CCNJ: variants seen among roughly 807,000 people sequenced by gnomAD.
The protein encoded by CCNJ is cyclin-J.
A neutral mutation model predicts 41.4 loss-of-function variants in CCNJ; 12 were observed. That is an observed-to-expected ratio of 0.29 (90% CI 0.19 to 0.47). The LOEUF is 0.47. Among genes scored for constraint, CCNJ ranks in the 20% least tolerant of loss-of-function variants. The pLI, the probability that CCNJ is intolerant of heterozygous loss-of-function variation, is 1.00. For missense variants in CCNJ, 340 were observed against 464.6 expected, an observed-to-expected ratio of 0.73 and a Z score of 2.47; for synonymous variants, 161 against 173.4, an observed-to-expected ratio of 0.93 and a Z score of 0.56.
intron 3 of CCNJ, among the ~76,000 whole-genome samples, chr10:96,052,019 A>G (rs533291835): frequency 1.6e-4 from 24 of 152,268 alleles, no homozygotes; most frequent in South Asian, 4.1e-4. Flanking sequence ...TTAGAATACC[A>G]TTTACTTCCT....
At chr10:96,043,424 AGCCGCCGCGCC>A (rs958131796), upstream of CCNJ, 3 of 373,760 alleles carry the variant, frequency 8.0e-6, no homozygotes, top group African/African-American at 4.2e-5. Context: ...CCCAGGCGGG[AGCCGCCGCGCC>A]GCCGCCTGGC....
intron 2 of CCNJ, among the ~76,000 whole-genome samples, chr10:96,049,221 TA>T (rs1325010370): frequency 2.0e-5 from 3 of 152,192 alleles, no homozygotes; most frequent in East Asian, 1.9e-4. Context: ...TGTTTTATGA[TA>T]TTTTTTGGGC....
At chr10:96,044,539 C>T in intron 2 of CCNJ, 77 bp downstream of exon 2, 1 of 1,188,074 alleles carries the variant, frequency 8.4e-7, no homozygotes, top group East Asian at 2.8e-5. Flanking sequence ...TCTAGAAGGT[C>T]TAGTCAGGTT....
At chr10:96,054,867 ACT>A (rs1475292643) in intron 3 of CCNJ, among the ~76,000 whole-genome samples, 6 of 152,236 alleles carry the variant, frequency 3.9e-5, no homozygotes, top group Non-Finnish European at 7.4e-5. Flanking sequence ...ATATAAATAA[ACT>A]CATTAATTTC....
chr10:96,046,228 C>T (rs1040194332), intron 2 of CCNJ, among the ~76,000 whole-genome samples: 3 of 152,168 alleles, frequency 2.0e-5, no homozygotes, highest in Non-Finnish European at 1.5e-5. Flanking sequence ...TGAAGGAATG[C>T]CACTGAAAGT....
rs1358145914 is a variant in CCNJ, at chr10:96,056,801, G to A, written c.381G>A (p.Leu127=). 2.5e-6 allele frequency: 4 copies of A among 1,613,874 alleles called. No homozygotes were observed. Among genetic ancestry groups the A allele is most frequent in the Non-Finnish European group, 3.4e-6 (4 of 1,179,942 alleles). Residue 127 remains leucine, a synonymous_variant, in exon 4 of 6, where the codon TTG becomes TTA. Coordinates refer to ENST00000465148, the MANE Select transcript of CCNJ (RefSeq NM_001134375.2). ...NMNLVLTKQN[L]LHMELLLLET... is the part of the protein sequence containing the mutation. ...ATCTAGTATTAACAAAACAAAATTT[G>A]CTACATATGGAACTATTATTATTAG... is the stretch of plus-strand genomic sequence containing the variant.
rs2080749497 is a variant in CCNJ, at chr10:96,058,300, C to T, written c.*59C>T. 5.5e-6 allele frequency: 8 copies of T among 1,452,694 alleles called. No homozygotes were observed. The highest frequency in any genetic ancestry group is 1.8e-5 in the Admixed American group (1 of 54,128). 90.0% of individuals were successfully genotyped at this position (1,452,694 alleles called of 1,614,324 possible). A position where few individuals can be genotyped will look rare whatever the true frequency, so the allele number is the denominator to read the frequency against. On this transcript the variant is annotated 3_prime_UTR_variant, in exon 6 of 6. Transcript: ENST00000465148. The stretch of plus-strand genomic sequence containing the variant: ...TTTGTGACATGAAGCTATGGGTAAG[C>T]GTTTTGTAAACTTCTGTTCAAAAGG...
intron 3 of CCNJ, among the ~76,000 whole-genome samples, chr10:96,051,971 C>A (rs1344108229): frequency 6.6e-6 from 1 of 152,142 alleles, no homozygotes; most frequent in Non-Finnish European, 1.5e-5. Flanking sequence ...ACCCAGCCAC[C>A]TTTCCAGTCT....
intron 2 of CCNJ, among the ~76,000 whole-genome samples, chr10:96,045,355 C>T (rs553755915): frequency 6.6e-5 from 10 of 152,270 alleles, no homozygotes; most frequent in African/African-American, 2.4e-4. Context: ...GAGAAAGAAG[C>T]AAAACAGCTG....
At chr10:96,056,641 G>T in intron 3 of CCNJ, 60 bp from the exon 4 acceptor site, 1 of 1,264,578 alleles carries the variant, frequency 7.9e-7, no homozygotes. Context: ...TTACTGACTA[G>T]ACCAATAATG....
At chr10:96,047,984 T>C (rs2142033962) in intron 2 of CCNJ, among the ~76,000 whole-genome samples, 1 of 127,958 alleles carries the variant, frequency 7.8e-6, no homozygotes, top group East Asian at 2.8e-4. Flanking sequence ...CCCCGCAACA[T>C]GTGTCCATGT....
Position 96,058,288 on chromosome 10 carries a change from G to T in CCNJ, c.*47G>T. 6.5e-7 allele frequency: 1 copy of T among 1,530,722 alleles called. No homozygotes were observed. 94.8% of individuals were successfully genotyped at this position (1,530,722 alleles called of 1,614,324 possible). A position where few individuals can be genotyped will look rare whatever the true frequency, so the allele number is the denominator to read the frequency against. On this transcript the variant is annotated 3_prime_UTR_variant, in exon 6 of 6. Transcript: ENST00000465148. ...GACCCAGACTGCTTTGTGACATGAA[G>T]CTATGGGTAAGCGTTTTGTAAACTT...
Position 96,048,432 on chromosome 10 carries a change from C to G in CCNJ, c.70-1824C>G, listed in dbSNP as rs185013086. 8.5e-4 allele frequency among the ~76,000 whole-genome samples: 130 copies of G among 152,308 alleles called. 1 individual carries two copies. Among genetic ancestry groups the G allele is most frequent in the African/African-American group, 2.9e-3 (120 of 41,570 alleles). On this transcript the variant is annotated intron_variant, in intron 2 of 5. Coordinates refer to ENST00000465148, the MANE Select transcript of CCNJ (RefSeq NM_001134375.2). ...TAAAAGCGTTCCTTTTTCTCCACAA[C>G]CTTGCCAGCAGCTGTCATAACATAA... is the stretch of plus-strand genomic sequence containing the variant.
Position 96,059,412 on chromosome 10 carries a change from T to C in CCNJ, c.*1171T>C, listed in dbSNP as rs1253978542. 1 of 152,620 alleles carries C rather than the reference T, an allele frequency of 6.6e-6. No individual in the cohort carries two copies. The highest frequency in any genetic ancestry group is 1.5e-5 in the Non-Finnish European group (1 of 68,036). The allele number at this position is 152,620 out of a possible 1,614,324, so 9.5% of individuals were successfully genotyped here. A position where few individuals can be genotyped will look rare whatever the true frequency, so the allele number is the denominator to read the frequency against. ...GACTAAATTTCAGTAGCTACTTTCA[T>C]TGGATTGACCCTACAACTGCCCTGG... On this transcript the variant is annotated 3_prime_UTR_variant, in exon 6 of 6. Transcript: ENST00000465148.
At position 96,059,188 on chromosome 10, in the gene CCNJ, TAAA is replaced by T. The variant is rs980635929; in HGVS notation, c.*950_*952del. 3 of 152,616 alleles carry T rather than the reference TAAA, an allele frequency of 2.0e-5. No individual in the cohort carries two copies. Among genetic ancestry groups the T allele is most frequent in the Non-Finnish European group, 4.4e-5 (3 of 68,034 alleles). 9.5% of individuals were successfully genotyped at this position (152,616 alleles called of 1,614,324 possible). On this transcript the variant is annotated 3_prime_UTR_variant, in exon 6 of 6. Transcript: ENST00000465148. ...GATTTATACTCAGAATCGACATTCT[TAAA>T]AAGTTATTTCAAGGGATGGCATAAC...
chr10:96,057,625 A>G (rs916128694), intron 5 of CCNJ, among the ~76,000 whole-genome samples: 1 of 152,178 alleles, frequency 6.6e-6, no homozygotes, highest in Non-Finnish European at 1.5e-5. Context: ...AATAATCCTC[A>G]AAGCTACCAG....
chr10:96,051,609 G>T (rs969794183), intron 3 of CCNJ, among the ~76,000 whole-genome samples: 5 of 152,034 alleles, frequency 3.3e-5, no homozygotes, highest in African/African-American at 1.2e-4. Flanking sequence ...GAGGTTTTGG[G>T]GTCAAATATG....
At chr10:96,047,510 C>T (rs1228997730) in intron 2 of CCNJ, among the ~76,000 whole-genome samples, 8 of 152,036 alleles carry the variant, frequency 5.3e-5, no homozygotes, top group Non-Finnish European at 1.0e-4. Context: ...TGGCAGTGAG[C>T]GCTTGTAGTC....
In CCNJ at chr10:96,044,406, G is replaced by A; in HGVS notation, c.13G>A (p.Gly5Arg). 6.4e-7 allele frequency: 1 copy of A among 1,564,214 alleles called. No individual in the cohort carries two copies. Among genetic ancestry groups the A allele is most frequent in the Non-Finnish European group, 8.7e-7 (1 of 1,150,836 alleles). Reference protein sequence around the residue: MELEGQWWRGQLAAD... With the variant: MELERQWWRGQLAAD... ...GCCGCCGGGTCCCATGGAGCTGGAG[G>A]GGCAGTGGTGGCGAGGACAGCTGGC... Residue 5 changes from glycine (G) to arginine (R), a missense_variant, in exon 2 of 6, where the codon GGG becomes AGG. Coordinates refer to ENST00000465148, the MANE Select transcript of CCNJ (RefSeq NM_001134375.2).
Sources: gnomAD v4.1 joint callset for allele counts (sites outside exome capture counted in the v4.1 genomes callset) on GRCh38, gnomAD v4.1.1 for gene constraint, MANE v1.5 for transcripts, NCBI Gene and HGNC (gene_info 2026-07-23, HGNC 2026-07-21) for gene names.